Variants in PLS1 observed in about 807,000 individuals in gnomAD.
The protein encoded by PLS1 is plastin 1, also known as plastin-1.
A neutral mutation model predicts 73.7 loss-of-function variants in PLS1; 32 were observed. The ratio of observed to expected loss-of-function variants is 0.43; its 90% CI spans 0.33 to 0.58. PLS1 has a LOEUF of 0.58. Ranked by LOEUF, PLS1 falls within the 20% of genes least tolerant of loss-of-function variation. PLS1 has a pLI of 0.04. For missense variants in PLS1, 633 were observed against 740.5 expected (o/e 0.85, Z 1.68); for synonymous variants, 217 against 261.3 (o/e 0.83, Z 1.63).
At chr3:142,679,585 G>C (rs1269666154) in intron 6 of PLS1, among the ~76,000 whole-genome samples, 1 of 152,140 alleles carries the variant, frequency 6.6e-6, no homozygotes, top group African/African-American at 2.4e-5. Flanking sequence ...GATAGTTGTA[G>C]ATATGCGGCG....
At chr3:142,686,483 G>A (rs1341790525) in intron 9 of PLS1, 107 bp downstream of exon 9, 1 of 720,042 alleles carries the variant, frequency 1.4e-6, no homozygotes, top group Non-Finnish European at 2.5e-6. Flanking sequence ...CAGTACATTT[G>A]CATTGTTGTG....
At chr3:142,694,644 A>G in intron 11 of PLS1, 97 bp downstream of exon 11, 1 of 668,808 alleles carries the variant, frequency 1.5e-6, no homozygotes, top group Non-Finnish European at 2.5e-6. Flanking sequence ...CTCAAGTTGC[A>G]AGAATTTTAG....
At chr3:142,631,664 G>GAAAA (rs71153981) in intron 1 of PLS1, among the ~76,000 whole-genome samples, 5 of 39,444 alleles carry the variant, frequency 1.3e-4, no homozygotes, top group African/African-American at 3.0e-4. Context: ...CCTGTCTCTA[G>GAAAA]AAAAAAAAAA....
At chr3:142,630,347 G>C (rs1225538810) in intron 1 of PLS1, among the ~76,000 whole-genome samples, 1 of 149,998 alleles carries the variant, frequency 6.7e-6, no homozygotes, top group African/African-American at 2.5e-5. Context: ...CTTGAGCCCA[G>C]GAGGTGGAGG....
chr3:142,686,570 C>A (rs867943441), intron 9 of PLS1, among the ~76,000 whole-genome samples, 194 bp downstream of exon 9: 1 of 152,164 alleles, frequency 6.6e-6, no homozygotes, highest in African/African-American at 2.4e-5. Flanking sequence ...AACAATAACT[C>A]CCCATTTTCC....
chr3:142,630,938 A>AACACACACACACACACACACACACACAC lies in PLS1; in HGVS notation c.-36-33256_-36-33229dup, dbSNP rs140962182. On this transcript the variant is annotated intron_variant, in intron 1 of 15. Coordinates refer to ENST00000457734, the MANE Select transcript of PLS1 (RefSeq NM_001145319.2). The stretch of plus-strand genomic sequence containing the variant: ...GAACAGAATAGAGAGCATGTAAATA[A>AACACACACACACACACACACACACACAC]ACACACACACACACACACACACACA... Among the ~76,000 whole-genome samples, 998 of 137,382 alleles carry AACACACACACACACACACACACACACAC rather than the reference A, an allele frequency of 7.3e-3. 21 individuals carry two copies. Among genetic ancestry groups the AACACACACACACACACACACACACACAC allele is most frequent in the African/African-American group, 0.027 (913 of 33,784 alleles). The allele number at this position is 137,382 out of a possible 152,430, so 90.1% of individuals were successfully genotyped here.
intron 3 of PLS1, among the ~76,000 whole-genome samples, chr3:142,670,600 T>G (rs919699056): frequency 3.3e-5 from 5 of 152,222 alleles, no homozygotes; most frequent in Non-Finnish European, 5.9e-5. Context: ...CCTATGTTAT[T>G]TCCTCTAAGA....
At chr3:142,685,172 T>C (rs541436935) in intron 8 of PLS1, among the ~76,000 whole-genome samples, 1 of 152,362 alleles carries the variant, frequency 6.6e-6, no homozygotes, top group African/African-American at 2.4e-5. Context: ...TTTCATCTAC[T>C]ATACACTGTT....
intron 1 of PLS1, among the ~76,000 whole-genome samples, chr3:142,605,716 A>T (rs534771762): frequency 1.3e-5 from 2 of 152,220 alleles, no homozygotes; most frequent in African/African-American, 2.4e-5. Context: ...CAATTTTTAT[A>T]AAAGTCTAAA....
chr3:142,695,068 C>T (rs2038165268), intron 11 of PLS1, among the ~76,000 whole-genome samples: 1 of 152,236 alleles, frequency 6.6e-6, no homozygotes, highest in South Asian at 2.1e-4. Flanking sequence ...TAAATCAACT[C>T]CTGGGCTAAC....
intron 1 of PLS1, among the ~76,000 whole-genome samples, chr3:142,637,680 C>T (rs2036724033): frequency 1.3e-5 from 2 of 151,968 alleles, no homozygotes; most frequent in Non-Finnish European, 2.9e-5. Flanking sequence ...CTGTGAAAAG[C>T]CTGTGAAGGA....
chr3:142,604,353 C>T (rs1167376791), intron 1 of PLS1, among the ~76,000 whole-genome samples: 1 of 152,206 alleles, frequency 6.6e-6, no homozygotes, highest in Non-Finnish European at 1.5e-5. Flanking sequence ...CTGTCTCTTC[C>T]TGGAGAGCAC....
At chr3:142,681,659 C>T (rs1056383800) in intron 6 of PLS1, among the ~76,000 whole-genome samples, 1 of 152,152 alleles carries the variant, frequency 6.6e-6, no homozygotes, top group Non-Finnish European at 1.5e-5. Context: ...CGCATCAACA[C>T]GAGTCTTCAG....
At chr3:142,691,416 A>G (rs2038084148) in intron 10 of PLS1, among the ~76,000 whole-genome samples, 1 of 152,116 alleles carries the variant, frequency 6.6e-6, no homozygotes. Flanking sequence ...AAATTTCAAA[A>G]TCCCTCTGTC....
intron 1 of PLS1, among the ~76,000 whole-genome samples, chr3:142,626,182 G>C (rs1306619887): frequency 6.6e-6 from 1 of 152,166 alleles, no homozygotes; most frequent in African/African-American, 2.4e-5. Context: ...GACAGATCAG[G>C]AGTAAATAAG....
intron 1 of PLS1, among the ~76,000 whole-genome samples, chr3:142,603,343 T>C (rs1476018157): frequency 6.6e-6 from 1 of 152,228 alleles, no homozygotes; most frequent in African/African-American, 2.4e-5. Flanking sequence ...TTTTTCTTAC[T>C]TAAAACACTT....
At chr3:142,644,651 C>T (rs1661201714) in intron 1 of PLS1, among the ~76,000 whole-genome samples, 1 of 152,062 alleles carries the variant, frequency 6.6e-6, no homozygotes, top group African/African-American at 2.4e-5. Context: ...ATAATTTTAC[C>T]CCTCAATCTA....
intron 1 of PLS1, among the ~76,000 whole-genome samples, chr3:142,619,166 G>T (rs577250303): frequency 6.6e-6 from 1 of 152,286 alleles, no homozygotes; most frequent in South Asian, 2.1e-4. Flanking sequence ...CAGGGCTTTT[G>T]TGTAGTCAAG....
In PLS1 at chr3:142,697,973, T is replaced by C. The variant is rs1434212332; in HGVS notation, c.1277T>C (p.Val426Ala). The C allele has an allele frequency of 3.1e-6, 5 of 1,611,850 alleles. No individual in the cohort carries two copies. Among genetic ancestry groups the C allele is most frequent in the Non-Finnish European group, 4.2e-6 (5 of 1,178,098 alleles). ...TTCAGTGACCTTGCAGATGCTTTAG[T>C]GATCTTTCAGCTCTATGAGATGATC... ...HLYSDLADAL[V>A]IFQLYEMIRV... The change falls in exon 12 of 16, where the codon GTG becomes GCG. Residue 426 changes from valine (V) to alanine (A), a missense_variant. By Grantham distance (64) the Val-to-Ala change is moderately conservative (BLOSUM62 0). Transcript: ENST00000457734.
Sources: gnomAD v4.1 joint callset for allele counts (sites outside exome capture counted in the v4.1 genomes callset) on GRCh38, gnomAD v4.1.1 for gene constraint, MANE v1.5 for transcripts, NCBI Gene and HGNC (gene_info 2026-07-23, HGNC 2026-07-21) for gene names.